Variants in ATXN10 observed in about 807,000 individuals in gnomAD.
ATXN10 encodes ataxin-10.
ATXN10 carries 28 observed loss-of-function variants against 52.9 expected under a neutral mutation model. The ratio of observed to expected loss-of-function variants is 0.53; its 90% CI spans 0.39 to 0.73. ATXN10 has a LOEUF of 0.73. Ranked by LOEUF, ATXN10 falls within the 30% of genes least tolerant of loss-of-function variation. The probability of loss-of-function intolerance (pLI) is 0.00; values close to 1 mark genes in which losing one functional copy is unlikely to be tolerated. For missense variants in ATXN10, 565 were observed against 577.0 expected, an observed-to-expected ratio of 0.98 and a Z score of 0.21; for synonymous variants, 226 against 221.5, an observed-to-expected ratio of 1.02 and a Z score of -0.18.
intron 1 of ATXN10, 87 bp downstream of exon 1, chr22:45,672,266 C>G (rs1030310001): frequency 6.5e-6 from 8 of 1,235,846 alleles, no homozygotes; most frequent in Non-Finnish European, 8.1e-6. Context: ...CAGGCGCCGC[C>G]CCCGCCTCGC....
chr22:45,710,515 T>C (rs1924204771), intron 5 of ATXN10, among the ~76,000 whole-genome samples: 1 of 152,228 alleles, frequency 6.6e-6, no homozygotes, highest in Non-Finnish European at 1.5e-5. Flanking sequence ...ACAAATCTTA[T>C]TTGCTTTCTT....
At chr22:45,753,153 C>T (rs1274151596) in intron 9 of ATXN10, among the ~76,000 whole-genome samples, 1 of 151,286 alleles carries the variant, frequency 6.6e-6, no homozygotes, top group Non-Finnish European at 1.5e-5. Context: ...CATTTGTTCT[C>T]TCTCATTTCC....
In ATXN10 at chr22:45,775,844, C is replaced by T. The variant is rs546952345; in HGVS notation, c.1174-31115C>T. 2.7e-4 allele frequency among the ~76,000 whole-genome samples: 41 copies of T among 151,902 alleles called. No individual in the cohort carries two copies. The highest frequency in any genetic ancestry group is 4.1e-4 in the Non-Finnish European group (28 of 68,028). ...CAGCCTCTAACCTGATAGATCATTC[C>T]GCCCCTCACAGCCAGCCGGGAGGTA... On this transcript the variant is annotated intron_variant, in intron 9 of 11. Transcript: ENST00000252934. This position sits in a 1 kb window ranked among gnomAD's most constrained non-coding sequence, Gnocchi z 4.7.
At chr22:45,682,039 T>C (rs1922943392) in intron 1 of ATXN10, among the ~76,000 whole-genome samples, 1 of 152,178 alleles carries the variant, frequency 6.6e-6, no homozygotes, top group Non-Finnish European at 1.5e-5. Context: ...TTTGCACACA[T>C]TGCTCCAGCA....
rs188125009 is a variant in ATXN10, at chr22:45,822,737, G to T, written c.1237+15715G>T. Among the ~76,000 whole-genome samples the T allele has an allele frequency of 1.2e-3, 187 of 151,964 alleles. 1 individual carries two copies. Among genetic ancestry groups the T allele is most frequent in the African/African-American group, 4.3e-3 (178 of 41,470 alleles). On this transcript the variant is annotated intron_variant, in intron 10 of 11. Coordinates refer to ENST00000252934, the MANE Select transcript of ATXN10 (RefSeq NM_013236.4). ...GGGTTTCATCATGTTGGTCAGGTTG[G>T]TCTTGAACTCCTGACCTCAGGTGAT... is the stretch of plus-strand genomic sequence containing the variant.
rs775579309 is a variant in ATXN10, at chr22:45,786,906, T to G, written c.1174-20053T>G. Reference sequence around the variant, plus strand: ...TTTTGTTTTGTTTTTGTCCAGTAATTCTTTTCGGAATTTCTCCAAAGGAAA... The same window carrying G: ...TTTTGTTTTGTTTTTGTCCAGTAATGCTTTTCGGAATTTCTCCAAAGGAAA... On this transcript the variant is annotated intron_variant, in intron 9 of 11. Coordinates refer to ENST00000252934, the MANE Select transcript of ATXN10 (RefSeq NM_013236.4). This position sits in a 1 kb window ranked among gnomAD's most constrained non-coding sequence, Gnocchi z 4.1. Among the ~76,000 whole-genome samples, 13 of 152,290 alleles carry G rather than the reference T, an allele frequency of 8.5e-5. No individual in the cohort carries two copies. The highest frequency in any genetic ancestry group is 1.8e-4 in the Non-Finnish European group (12 of 68,022).
At chr22:45,788,802 A>G (rs11090657) in intron 9 of ATXN10, among the ~76,000 whole-genome samples, 1,699 of 151,804 alleles carry the variant, frequency 0.011, 39 homozygotes, top group African/African-American at 0.039. Context: ...AGGCTCACAC[A>G]CCACACCCAG....
intron 9 of ATXN10, among the ~76,000 whole-genome samples, chr22:45,743,933 G>A (rs1925631958): frequency 6.6e-6 from 1 of 152,122 alleles, no homozygotes; most frequent in African/African-American, 2.4e-5. Flanking sequence ...TTGCCAAAAG[G>A]TTGGAGAAAA....
intron 9 of ATXN10, among the ~76,000 whole-genome samples, chr22:45,755,947 G>A (rs1926158255): frequency 1.3e-5 from 2 of 152,158 alleles, no homozygotes; most frequent in Admixed American, 1.3e-4. Flanking sequence ...AACCGCATAA[G>A]AACCCAGGTG....
intron 9 of ATXN10, among the ~76,000 whole-genome samples, chr22:45,785,856 A>G (rs2067205766): frequency 6.6e-6 from 1 of 152,242 alleles, no homozygotes; most frequent in Admixed American, 6.5e-5. Flanking sequence ...TCCTGGACCA[A>G]ACGTGGGAAG....
In ATXN10 at chr22:45,716,770, A is replaced by G. The variant is rs139708124; in HGVS notation, c.648-1643A>G. Among the ~76,000 whole-genome samples the G allele has an allele frequency of 2.5e-4, 38 of 152,338 alleles. No homozygotes were observed. In the East Asian group the frequency reaches 6.9e-3, roughly 28 times the overall value. On this transcript the variant is annotated intron_variant, in intron 5 of 11. Coordinates refer to ENST00000252934, the MANE Select transcript of ATXN10 (RefSeq NM_013236.4). ...AAGAAATAAAAGATGACAGAAATCAATGAAACATAAGACAAAAACAATAGA... is the reference window on the plus strand; with the variant it reads ...AAGAAATAAAAGATGACAGAAATCAGTGAAACATAAGACAAAAACAATAGA...
chr22:45,827,102 G>T (rs540423928), intron 10 of ATXN10, among the ~76,000 whole-genome samples: 1 of 148,976 alleles, frequency 6.7e-6, no homozygotes, highest in Admixed American at 6.8e-5. Context: ...TATAACTTTC[G>T]AATGTTAAAT....
chr22:45,709,593 G>A (rs776954757), intron 5 of ATXN10, among the ~76,000 whole-genome samples: 1 of 152,088 alleles, frequency 6.6e-6, no homozygotes, highest in Admixed American at 6.5e-5. Flanking sequence ...GCCCACGGCT[G>A]GTCCTCAGAC....
At chr22:45,710,956 CTT>C (rs980372762) in intron 5 of ATXN10, among the ~76,000 whole-genome samples, 7 of 152,126 alleles carry the variant, frequency 4.6e-5, no homozygotes, top group Non-Finnish European at 5.9e-5. Flanking sequence ...CCAGATAAGA[CTT>C]TGGTGAGAGA....
intron 9 of ATXN10, among the ~76,000 whole-genome samples, chr22:45,752,859 G>A (rs1409344437): frequency 4.6e-5 from 7 of 151,690 alleles, no homozygotes; most frequent in South Asian, 2.1e-4. Flanking sequence ...TCAGCCTCCC[G>A]AGTAGCTGGG....
At chr22:45,813,023 G>A (rs887219079) in intron 10 of ATXN10, among the ~76,000 whole-genome samples, 2 of 152,198 alleles carry the variant, frequency 1.3e-5, no homozygotes, top group Admixed American at 6.5e-5. Flanking sequence ...AAAGGCACCA[G>A]CTACAAGGGG....
chr22:45,796,611 C>T (rs1369670309), intron 9 of ATXN10, among the ~76,000 whole-genome samples: 2 of 152,208 alleles, frequency 1.3e-5, no homozygotes, highest in East Asian at 3.8e-4. Context: ...CTCTTTATTT[C>T]TCAGACCGGC....
rs1422175206 is a variant in ATXN10, at chr22:45,671,988, C to G, written c.-76C>G. 2.3e-5 allele frequency: 34 copies of G among 1,484,854 alleles called. No homozygotes were observed. Among genetic ancestry groups the G allele is most frequent in the Non-Finnish European group, 3.1e-5 (34 of 1,105,628 alleles). 92.0% of individuals were successfully genotyped at this position (1,484,854 alleles called of 1,614,324 possible). The stretch of plus-strand genomic sequence containing the variant: ...TTCCTCCTCGCCATCCTACTCCTCC[C>G]TCCTCGTCATCCTCCCCCTTCGTCC... On this transcript the variant is annotated 5_prime_UTR_variant, in exon 1 of 12. Transcript: ENST00000252934.
At position 45,740,493 on chromosome 22, in the gene ATXN10, T is replaced by C; in HGVS notation, c.1128T>C (p.Arg376=). ...ATGGGTTTAAGTCTCATCTCATTCG[T>C]CTGATTGGAAATCTGTGTTACAAGA... The part of the protein sequence containing the change: ...VANGFKSHLI[R]LIGNLCYKNK... The change falls in exon 9 of 12, where the codon CGT becomes CGC. Residue 376 remains arginine (R), a synonymous_variant. Transcript: ENST00000252934. 3.7e-6 allele frequency: 6 copies of C among 1,613,860 alleles called. No homozygotes were observed. The highest frequency in any genetic ancestry group is 4.2e-6 in the Non-Finnish European group (5 of 1,179,886).
Sources: allele counts gnomAD v4.1 joint callset (sites outside exome capture counted in the v4.1 genomes callset), GRCh38; gene constraint gnomAD v4.1.1; non-coding constraint Gnocchi (gnomAD v3.1); transcripts MANE v1.5; gene names NCBI Gene and HGNC (gene_info 2026-07-23, HGNC 2026-07-21).